PDZD2: variants seen among roughly 807,000 people sequenced by gnomAD.
The protein encoded by PDZD2 is PDZ domain-containing protein 2.
A neutral mutation model predicts 220.7 loss-of-function variants in PDZD2; 90 were observed. The observed-to-expected ratio is 0.41, with a 90% confidence interval of 0.34 to 0.49. The LOEUF (loss-of-function observed/expected upper bound fraction) is 0.49, where lower values mean the gene tolerates loss of function less well. PDZD2 is among the 20% of genes least tolerant of loss of function. PDZD2 has a pLI of 0.28. For missense variants in PDZD2, 3,174 were observed against 3,608.5 expected (o/e 0.88, Z 3.08); for synonymous variants, 1,375 against 1,450.5 (o/e 0.95, Z 1.18).
rs1280545364 is a variant in PDZD2 at position 31,639,854 on chromosome 5, T to C, written c.-361+417T>C. ...TCAGGTACTCCGGCCTCAGGTAATG[T>C]CTTGGGGACCATCCTCCCTCGGGCT... On this transcript the variant is annotated intron_variant, in intron 1 of 24. Coordinates refer to ENST00000438447, the MANE Select transcript of PDZD2 (RefSeq NM_178140.4). This position sits in a 1 kb window ranked among gnomAD's most constrained non-coding sequence, Gnocchi z 4.1. Among the ~76,000 whole-genome samples the C allele has an allele frequency of 6.6e-6, 1 of 152,150 alleles. No individual in the cohort carries two copies. The highest frequency in any genetic ancestry group is 1.5e-5 in the Non-Finnish European group (1 of 68,030).
intron 6 of PDZD2, among the ~76,000 whole-genome samples, chr5:32,035,941 T>TTTTG (rs1171239625): frequency 6.6e-5 from 10 of 152,162 alleles, no homozygotes; most frequent in East Asian, 1.9e-4. Context: ...TTTTGTTTTG[T>TTTTG]TTTGTTTGTT....
intron 1 of PDZD2, among the ~76,000 whole-genome samples, chr5:31,642,224 A>G (rs1260757283): frequency 1.3e-5 from 2 of 152,194 alleles, no homozygotes; most frequent in Admixed American, 1.3e-4. Context: ...CTTTAAGAAG[A>G]CAGACTTAGA....
intron 2 of PDZD2, among the ~76,000 whole-genome samples, chr5:31,818,046 C>T (rs1331400804): frequency 2.7e-5 from 4 of 150,494 alleles, no homozygotes; most frequent in South Asian, 4.2e-4. Flanking sequence ...CACGGCTCAC[C>T]GCAGCCTCAA....
rs184016196 is a variant in PDZD2 at position 31,828,808 on chromosome 5, T to C, written c.476+29084T>C. 6.7e-3 allele frequency among the ~76,000 whole-genome samples: 1,014 copies of C among 152,354 alleles called. 6 individuals are homozygous for C. The highest frequency in any genetic ancestry group is 9.6e-3 in the Non-Finnish European group (655 of 68,034). ...GAGCCACCATGCCCAGCTAGAAATA[T>C]CTATTTTAATTCTTTACCCACTTTT... On this transcript the variant is annotated intron_variant, in intron 2 of 24. Transcript: ENST00000438447.
At chr5:31,908,856 G>A (rs1275909233) in intron 2 of PDZD2, 2 of 506,252 alleles carry the variant, frequency 4.0e-6, no homozygotes, top group Non-Finnish European at 7.3e-6. Flanking sequence ...ACCAGCCTTG[G>A]CAACATAGTG....
chr5:31,885,723 T>C (rs1740398132), intron 2 of PDZD2, among the ~76,000 whole-genome samples: 1 of 152,142 alleles, frequency 6.6e-6, no homozygotes, highest in Non-Finnish European at 1.5e-5. Context: ...GTACACTATG[T>C]AGCCATTAAG....
intron 7 of PDZD2, among the ~76,000 whole-genome samples, chr5:32,043,725 A>G (rs1231870164): frequency 6.6e-6 from 1 of 152,076 alleles, no homozygotes; most frequent in Non-Finnish European, 1.5e-5. Flanking sequence ...CCTCCCAGGT[A>G]CAAGTGATTC....
In PDZD2 at chr5:32,109,305, A is replaced by C. The variant is rs1745136556; in HGVS notation, c.*1170A>C. 6.6e-6 allele frequency: 1 copy of C among 152,102 alleles called. No homozygotes were observed. Among genetic ancestry groups the C allele is most frequent in the African/African-American group, 2.4e-5 (1 of 41,390 alleles). The allele number at this position is 152,102 out of a possible 1,614,324, so 9.4% of individuals were successfully genotyped here. ...GTATAATGACAACTGCAGTGACTTA[A>C]GTTTTTGCTGTTTTCGTTTTCCCGC... On this transcript the variant is annotated 3_prime_UTR_variant, in exon 25 of 25. Coordinates refer to ENST00000438447, the MANE Select transcript of PDZD2 (RefSeq NM_178140.4).
At position 32,052,691 on chromosome 5, in the gene PDZD2, C is replaced by T. The variant is rs778124527; in HGVS notation, c.1746C>T (p.Ser582=). 25 of 1,613,804 alleles carry T rather than the reference C, an allele frequency of 1.5e-5. No homozygotes were observed. The highest frequency in any genetic ancestry group is 4.5e-5 in the East Asian group (2 of 44,896). Reference sequence around the variant, plus strand: ...CTCCTTGGAGGCTCATTCGGCCATCCGTCATCTCGATCATTGGGTTGTACA... The same window carrying T: ...CTCCTTGGAGGCTCATTCGGCCATCTGTCATCTCGATCATTGGGTTGTACA... ...VESPWRLIRP[S]VISIIGLYKE... Residue 582 remains serine, a synonymous_variant, in exon 9 of 25, where the codon TCC becomes TCT. Coordinates refer to ENST00000438447, the MANE Select transcript of PDZD2 (RefSeq NM_178140.4).
intron 1 of PDZD2, among the ~76,000 whole-genome samples, chr5:31,708,425 G>A (rs1747929654): frequency 6.6e-6 from 1 of 152,090 alleles, no homozygotes; most frequent in Admixed American, 6.5e-5. Flanking sequence ...CTGTCTTCTG[G>A]GCTTAAATTA....
chr5:31,880,832 G>A (rs1316606100), intron 2 of PDZD2, among the ~76,000 whole-genome samples: 4 of 101,250 alleles, frequency 4.0e-5, no homozygotes, highest in East Asian at 3.0e-4. Flanking sequence ...ATGAAGTCTC[G>A]CTCTTGTCAC....
At chr5:32,036,129 T>C (rs562911640) in intron 6 of PDZD2, among the ~76,000 whole-genome samples, 1 of 152,212 alleles carries the variant, frequency 6.6e-6, no homozygotes, top group African/African-American at 2.4e-5. Flanking sequence ...CCGGCTAATT[T>C]TTTGTATTTT....
chr5:31,718,115 A>C (rs1748559218), intron 1 of PDZD2, among the ~76,000 whole-genome samples: 1 of 152,218 alleles, frequency 6.6e-6, no homozygotes, highest in Non-Finnish European at 1.5e-5. Flanking sequence ...GGTGCTGTAA[A>C]AGAGCAGAGG....
chr5:31,703,641 A>G (rs1351781386), intron 1 of PDZD2, among the ~76,000 whole-genome samples: 1 of 152,168 alleles, frequency 6.6e-6, no homozygotes, highest in Non-Finnish European at 1.5e-5. Flanking sequence ...TAATTAAAAA[A>G]AGAAAAAGAA....
At position 32,064,205 on chromosome 5, in the gene PDZD2, G is replaced by A. The variant is rs141960391; in HGVS notation, c.2451+3071G>A. On this transcript the variant is annotated intron_variant, in intron 14 of 24. Transcript: ENST00000438447. ...AATTTTTTTTTGTTTGTTTTTGGAC[G>A]CACAGAGGAAAAGAAGGAACCAACT... Among the ~76,000 whole-genome samples, 431 of 151,442 alleles carry A rather than the reference G, an allele frequency of 2.8e-3. 2 individuals are homozygous for A. The highest frequency in any genetic ancestry group is 4.4e-3 in the Non-Finnish European group (298 of 67,858).
intron 2 of PDZD2, among the ~76,000 whole-genome samples, chr5:31,916,484 C>T (rs990410629): frequency 3.9e-5 from 6 of 152,234 alleles, no homozygotes; most frequent in Non-Finnish European, 8.8e-5. Context: ...GCCTCATACC[C>T]GGAGCGCTGG....
At chr5:31,998,003 C>T (rs538828739) in intron 4 of PDZD2, among the ~76,000 whole-genome samples, 12 of 152,194 alleles carry the variant, frequency 7.9e-5, no homozygotes, top group East Asian at 1.9e-4. Context: ...CCACCATACC[C>T]GGCTAATTTT....
chr5:31,753,228 T>C (rs1159147484), intron 1 of PDZD2, among the ~76,000 whole-genome samples: 10 of 152,206 alleles, frequency 6.6e-5, no homozygotes, highest in Non-Finnish European at 2.9e-5. Context: ...CATAACGCTC[T>C]TTAAGCAAAA....
chr5:32,038,930 G>A (rs1329032731), intron 7 of PDZD2, among the ~76,000 whole-genome samples: 1 of 152,218 alleles, frequency 6.6e-6, no homozygotes, highest in East Asian at 1.9e-4. Flanking sequence ...GCACATTAAA[G>A]CATTTAGCAC....
Sources: gnomAD v4.1 joint callset for allele counts (sites outside exome capture counted in the v4.1 genomes callset) on GRCh38, gnomAD v4.1.1 for gene constraint, Gnocchi (gnomAD v3.1) non-coding constraint, MANE v1.5 for transcripts, NCBI Gene and HGNC (gene_info 2026-07-23, HGNC 2026-07-21) for gene names.